The following DENR variants were observed in gnomAD, a reference collection of about 807,000 sequenced individuals.
The protein encoded by DENR is density regulated re-initiation and release factor.
A neutral mutation model predicts 30.6 loss-of-function variants in DENR; 6 were observed. The observed-to-expected ratio is 0.20, with a 90% CI of 0.11 to 0.39. DENR has a LOEUF of 0.39. Ranked by LOEUF, DENR falls within the 10% of genes least tolerant of loss-of-function variation. DENR has a pLI of 1.00. For synonymous variants in DENR, 78 were observed against 72.1 expected, an observed-to-expected ratio of 1.08 and a Z score of -0.41; for missense variants, 141 against 230.9, an observed-to-expected ratio of 0.61 and a Z score of 2.52.
rs776957868 is a variant in DENR at position 122,770,425 on chromosome 12, A to C, written c.*1347A>C. 2.3e-5 allele frequency: 9 copies of C among 393,138 alleles called. No homozygotes were observed. The highest frequency in any genetic ancestry group is 2.2e-4 in the Admixed American group (5 of 22,562). The allele number at this position is 393,138 out of a possible 1,614,324, so 24.4% of individuals were successfully genotyped here. On this transcript the variant is annotated 3_prime_UTR_variant, in exon 8 of 8. Transcript: ENST00000280557. ...AGATACATTTTAGACATTTATCGTCATCATCTGCTCTGAGTGGAAGGCCGT... is the reference window on the plus strand; with the variant it reads ...AGATACATTTTAGACATTTATCGTCCTCATCTGCTCTGAGTGGAAGGCCGT...
chr12:122,769,072 G>A lies in DENR; in HGVS notation c.591G>A (p.Lys197=). Residue 197 remains lysine, a synonymous_variant, in exon 8 of 8, where the codon AAG becomes AAA. Transcript: ENST00000280557. ...DDSIEDLGEV[K]K ...GCATCGAAGATCTTGGAGAAGTAAA[G>A]AAGTGAATTTGAAAATTTGTCTGTA... 6.2e-7 allele frequency: 1 copy of A among 1,608,694 alleles called. No individual in the cohort carries two copies. The highest frequency in any genetic ancestry group is 8.5e-7 in the Non-Finnish European group (1 of 1,178,174).
Position 122,769,143 on chromosome 12 carries a change from C to G in DENR, c.*65C>G. On this transcript the variant is annotated 3_prime_UTR_variant, in exon 8 of 8. Transcript: ENST00000280557. Reference sequence around the variant, plus strand: ...GTTGATATGGCCAAAGGGAGAGAGGCCTTTTAAAATATATATATATATACA... The same window carrying G: ...GTTGATATGGCCAAAGGGAGAGAGGGCTTTTAAAATATATATATATATACA... 1 of 1,491,646 alleles carries G rather than the reference C, an allele frequency of 6.7e-7. No individual in the cohort carries two copies. Among genetic ancestry groups the G allele is most frequent in the South Asian group, 1.4e-5 (1 of 71,924 alleles). 92.4% of individuals were successfully genotyped at this position (1,491,646 alleles called of 1,614,324 possible).
Position 122,770,750 on chromosome 12 carries a change from G to A in DENR, c.*1672G>A, listed in dbSNP as rs1319805455. 2.5e-6 allele frequency: 1 copy of A among 398,244 alleles called. No homozygotes were observed. The highest frequency in any genetic ancestry group is 4.4e-6 in the Non-Finnish European group (1 of 226,016). 24.7% of individuals were successfully genotyped at this position (398,244 alleles called of 1,614,324 possible). Reference sequence around the variant, plus strand: ...CCATGCAAATTACAATCTTGAATGAGTGTTTTTTAAAAATAAAGTATTAGA... The same window carrying A: ...CCATGCAAATTACAATCTTGAATGAATGTTTTTTAAAAATAAAGTATTAGA... On this transcript the variant is annotated 3_prime_UTR_variant, in exon 8 of 8. Transcript: ENST00000280557.
intron 6 of DENR, 146 bp from the exon 7 acceptor site, chr12:122,768,636 G>A: frequency 1.4e-6 from 1 of 708,188 alleles, no homozygotes; most frequent in South Asian, 2.2e-5. Context: ...AGATCTCTGT[G>A]GTAGTTTGTA....
chr12:122,762,277 AT>A (rs907035131), intron 3 of DENR, 71 bp downstream of exon 3: 461 of 1,019,902 alleles, frequency 4.5e-4, no homozygotes, highest in South Asian at 8.7e-4. Flanking sequence ...TACCTTGAGA[AT>A]TTTTTTTTAT....
rs1183371596 is a variant in DENR at position 122,769,228 on chromosome 12, ATG to A, written c.*156_*157del. 8 of 804,918 alleles carry A rather than the reference ATG, an allele frequency of 9.9e-6. No individual in the cohort carries two copies. Among genetic ancestry groups the A allele is most frequent in the South Asian group, 8.8e-5 (2 of 22,696 alleles). 49.9% of individuals were successfully genotyped at this position (804,918 alleles called of 1,614,324 possible). On this transcript the variant is annotated 3_prime_UTR_variant, in exon 8 of 8. Coordinates refer to ENST00000280557, the MANE Select transcript of DENR (RefSeq NM_003677.5). ...TACACATATACACATGTATATATAC[ATG>A]TGTGTATGTATACATGTATATATAT... is the stretch of plus-strand genomic sequence containing the variant.
chr12:122,754,616 C>T (rs557142574), intron 2 of DENR, among the ~76,000 whole-genome samples: 1 of 152,278 alleles, frequency 6.6e-6, no homozygotes, highest in East Asian at 1.9e-4. Flanking sequence ...ACCTTACATT[C>T]TGTGACTGCA....
intron 2 of DENR, among the ~76,000 whole-genome samples, chr12:122,755,935 A>C (rs1239291674): frequency 5.3e-5 from 8 of 152,220 alleles, no homozygotes; most frequent in Non-Finnish European, 1.0e-4. Context: ...ATTTTGTAAA[A>C]GTAGTGGATT....
chr12:122,755,275 G>A lies in DENR; in HGVS notation c.106+1468G>A, dbSNP rs377589262. 2.2e-4 allele frequency among the ~76,000 whole-genome samples: 33 copies of A among 152,312 alleles called. 1 individual carries two copies. In the South Asian group the frequency reaches 5.6e-3, roughly 26 times the overall value. Reference sequence around the variant, plus strand: ...TCTAGAAATCTTGTTTTATTTTTCTGTAATTATGAATTAAAACTAAGGGGC... The same window carrying A: ...TCTAGAAATCTTGTTTTATTTTTCTATAATTATGAATTAAAACTAAGGGGC... On this transcript the variant is annotated intron_variant, in intron 2 of 7. Transcript: ENST00000280557.
In DENR at chr12:122,761,145, C is replaced by A. The variant is rs1878689436; in HGVS notation, c.107-1042C>A. Among the ~76,000 whole-genome samples, 4 of 152,120 alleles carry A rather than the reference C, an allele frequency of 2.6e-5. No individual in the cohort carries two copies. In the South Asian group the frequency reaches 8.3e-4, roughly 31 times the overall value. ...AAAAAAAATAGGCCAGGTGCGGTGG[C>A]TCATGCCTGTAATCCCAGCACTTTG... On this transcript the variant is annotated intron_variant, in intron 2 of 7. Coordinates refer to ENST00000280557, the MANE Select transcript of DENR (RefSeq NM_003677.5).
At position 122,770,380 on chromosome 12, in the gene DENR, A is replaced by T. The variant is rs2135514584; in HGVS notation, c.*1302A>T. The T allele has an allele frequency of 2.7e-6, 1 of 375,400 alleles. No individual in the cohort carries two copies. The highest frequency in any genetic ancestry group is 1.5e-4 in the South Asian group (1 of 6,840). The allele number at this position is 375,400 out of a possible 1,614,324, so 23.3% of individuals were successfully genotyped here. Reference sequence around the variant, plus strand: ...AAGATTATTTGGAAGCATGTTTGGTAATGTCAAGTGGAGTACCCCAGATAC... The same window carrying T: ...AAGATTATTTGGAAGCATGTTTGGTTATGTCAAGTGGAGTACCCCAGATAC... On this transcript the variant is annotated 3_prime_UTR_variant, in exon 8 of 8. Transcript: ENST00000280557.
chr12:122,763,084 T>C (rs537881062), intron 4 of DENR, 155 bp downstream of exon 4: 1 of 567,394 alleles, frequency 1.8e-6, no homozygotes, highest in East Asian at 3.1e-5. Context: ...ATAGGATAGG[T>C]CTGAATATCA....
chr12:122,758,969 T>G (rs1878625038), intron 2 of DENR, among the ~76,000 whole-genome samples: 1 of 151,908 alleles, frequency 6.6e-6, no homozygotes. Context: ...CTCAGCCTTC[T>G]GAGTAGCTGG....
chr12:122,767,090 C>A (rs839356), intron 5 of DENR, among the ~76,000 whole-genome samples: 142,108 of 152,254 alleles, frequency 0.93, 66,483 homozygotes, highest in East Asian at 0.99. Flanking sequence ...TTATTCTTCA[C>A]AACTCCACCT....
chr12:122,767,688 C>T, intron 6 of DENR, 84 bp downstream of exon 6: 1 of 701,198 alleles, frequency 1.4e-6, no homozygotes, highest in Non-Finnish European at 2.1e-6. Flanking sequence ...CTCTCTCTCT[C>T]ACATACCATG....
At chr12:122,761,616 T>A (rs189882327) in intron 2 of DENR, among the ~76,000 whole-genome samples, 77 of 152,274 alleles carry the variant, frequency 5.1e-4, no homozygotes, top group African/African-American at 1.8e-3. Flanking sequence ...GCCCAGAAGT[T>A]TGAGACTAGC....
chr12:122,764,322 C>T (rs115672487), intron 4 of DENR, among the ~76,000 whole-genome samples: 3,044 of 152,156 alleles, frequency 0.02, 109 homozygotes, highest in African/African-American at 0.07. Flanking sequence ...CCAAAGAGGC[C>T]GGGTGCAGTG....
At chr12:122,760,361 A>G (rs1007573296) in intron 2 of DENR, among the ~76,000 whole-genome samples, 6 of 152,204 alleles carry the variant, frequency 3.9e-5, no homozygotes, top group Admixed American at 2.0e-4. Flanking sequence ...CTGTGACTAC[A>G]TGGTATACCA....
At chr12:122,765,688 G>A (rs1416493434) in intron 5 of DENR, among the ~76,000 whole-genome samples, 1 of 152,102 alleles carries the variant, frequency 6.6e-6, no homozygotes, top group East Asian at 1.9e-4. Flanking sequence ...AATTCCCCAT[G>A]TATATCATAC....
Sources: gnomAD v4.1 joint callset for allele counts (sites outside exome capture counted in the v4.1 genomes callset) on GRCh38, gnomAD v4.1.1 for gene constraint, MANE v1.5 for transcripts, NCBI Gene and HGNC (gene_info 2026-07-23, HGNC 2026-07-21) for gene names.